The following VSTM5 variants were observed in gnomAD, a reference collection of about 807,000 sequenced individuals.
VSTM5 encodes V-set and transmembrane domain containing 5.
In VSTM5, 21 loss-of-function variants were observed where a neutral mutation model predicts 20.3. That is an observed-to-expected ratio of 1.03 (90% CI 0.73 to 1.49). The LOEUF (loss-of-function observed/expected upper bound fraction) is 1.49. Among genes scored for constraint, VSTM5 ranks in the 40% most tolerant of loss-of-function variants. The probability of loss-of-function intolerance (pLI) is 0.00; values close to 1 mark genes in which losing one functional copy is unlikely to be tolerated. For missense variants in VSTM5, 219 were observed against 250.0 expected (o/e 0.88, Z 0.84); for synonymous variants, 100 against 102.5 (o/e 0.98, Z 0.14).
intron 1 of VSTM5, among the ~76,000 whole-genome samples, chr11:93,846,200 T>TAA (rs10623760): frequency 0.99 from 151,326 of 152,280 alleles, 75,208 homozygotes; most frequent in East Asian, 1. Context: ...TTAGATATAG[T>TAA]AAGTTTTTTT....
At position 93,850,512 on chromosome 11, in the gene VSTM5, C is replaced by T. The variant is rs774426243; in HGVS notation, c.-10G>A. ...TGGGCAGAGGCCTCATGGGCGAGCC[C>T]GGGGCCTCGCGGGCCGGGGTGTGTG... On this transcript the variant is annotated 5_prime_UTR_variant, in exon 1 of 4. Coordinates refer to ENST00000409977, the MANE Select transcript of VSTM5 (RefSeq NM_001144871.2). 5.2e-6 allele frequency: 8 copies of T among 1,546,116 alleles called. No homozygotes were observed. In the South Asian group the frequency reaches 6.0e-5, roughly 12 times the overall value.
chr11:93,836,638 C>T (rs1187948534), intron 1 of VSTM5, among the ~76,000 whole-genome samples: 2 of 152,234 alleles, frequency 1.3e-5, no homozygotes, highest in Non-Finnish European at 2.9e-5. Context: ...CAACTCCAGG[C>T]TAGGTCAGGT....
chr11:93,845,533 A>G (rs1001463844), intron 1 of VSTM5, among the ~76,000 whole-genome samples: 3 of 152,216 alleles, frequency 2.0e-5, no homozygotes, highest in African/African-American at 7.2e-5. Flanking sequence ...AACCAGTTAT[A>G]GGAGGGGCGA....
intron 1 of VSTM5, 82 bp from the exon 2 acceptor site, chr11:93,821,405 C>T: frequency 7.9e-7 from 1 of 1,260,730 alleles, no homozygotes; most frequent in Non-Finnish European, 1.1e-6. Context: ...TGATCTATTA[C>T]ACAAATATTT....
intron 1 of VSTM5, among the ~76,000 whole-genome samples, chr11:93,824,296 G>A (rs1260670649): frequency 1.3e-5 from 2 of 152,044 alleles, no homozygotes; most frequent in South Asian, 2.1e-4. Flanking sequence ...CATTGTGCAA[G>A]GGTTCCCTTT....
chr11:93,844,821 C>G (rs1944401269), intron 1 of VSTM5, among the ~76,000 whole-genome samples: 1 of 151,212 alleles, frequency 6.6e-6, no homozygotes, highest in African/African-American at 2.4e-5. Context: ...ACTTACAATC[C>G]TTCAGTGCAG....
At chr11:93,842,426 A>C (rs1455773711) in intron 1 of VSTM5, among the ~76,000 whole-genome samples, 1 of 152,220 alleles carries the variant, frequency 6.6e-6, no homozygotes, top group Non-Finnish European at 1.5e-5. Flanking sequence ...TTCCTACCAC[A>C]CCTTTTCCAG....
rs1565298257 is a variant in VSTM5 at position 93,820,733 on chromosome 11, A to AGG, written c.559+8_559+9dup. On this transcript the variant is annotated intron_variant, in intron 3 of 3. Transcript: ENST00000409977. ...CCACTCATGGATTATCACAAGGCCC[A>AGG]GGGGGTTACCTTTGAGTTTGTGTCT... 1 of 1,551,752 alleles carries AGG rather than the reference A, an allele frequency of 6.4e-7. No homozygotes were observed. The highest frequency in any genetic ancestry group is 2.4e-5 in the East Asian group (1 of 40,926).
intron 1 of VSTM5, 83 bp downstream of exon 1, chr11:93,850,328 GC>G: frequency 8.0e-7 from 1 of 1,245,534 alleles, no homozygotes; most frequent in Middle Eastern, 2.2e-4. Context: ...GGCCAGGGGG[GC>G]CGCTGCTAGA....
intron 1 of VSTM5, among the ~76,000 whole-genome samples, chr11:93,834,072 T>A (rs1270402468): frequency 6.6e-6 from 1 of 152,132 alleles, no homozygotes; most frequent in African/African-American, 2.4e-5. Context: ...TGCCTTTTCA[T>A]CATATCTACC....
chr11:93,849,614 C>T (rs765075766), intron 1 of VSTM5, among the ~76,000 whole-genome samples: 20 of 152,226 alleles, frequency 1.3e-4, no homozygotes, highest in Non-Finnish European at 2.9e-4. Context: ...TACAAGGCCT[C>T]TCACCTCCAG....
intron 1 of VSTM5, among the ~76,000 whole-genome samples, chr11:93,835,039 T>A (rs963727036): frequency 2.6e-5 from 4 of 152,162 alleles, no homozygotes; most frequent in African/African-American, 9.7e-5. Context: ...CTCTGCTGAC[T>A]CAGGACTCTA....
intron 1 of VSTM5, chr11:93,821,678 A>C: frequency 4.2e-6 from 1 of 236,780 alleles, no homozygotes. Context: ...TCTCTGGATC[A>C]CTCCTTCTCA....
At chr11:93,831,238 A>T (rs897389758) in intron 1 of VSTM5, among the ~76,000 whole-genome samples, 1 of 152,042 alleles carries the variant, frequency 6.6e-6, no homozygotes, top group Non-Finnish European at 1.5e-5. Flanking sequence ...CATGGTGTTC[A>T]GGCAGGTCTC....
chr11:93,837,099 T>G (rs985380226), intron 1 of VSTM5, among the ~76,000 whole-genome samples: 1 of 151,952 alleles, frequency 6.6e-6, no homozygotes, highest in African/African-American at 2.4e-5. Context: ...TGTCATGATC[T>G]TGGCTCACTG....
chr11:93,826,731 G>A (rs147146809), intron 1 of VSTM5, among the ~76,000 whole-genome samples: 2,149 of 152,178 alleles, frequency 0.014, 57 homozygotes, highest in African/African-American at 0.049. Flanking sequence ...AGCATTTATA[G>A]TTATAAACTC....
chr11:93,829,310 T>C (rs1366134729), intron 1 of VSTM5, among the ~76,000 whole-genome samples: 1 of 152,208 alleles, frequency 6.6e-6, no homozygotes, highest in African/African-American at 2.4e-5. Context: ...GCAGATCACC[T>C]GAAGTCAGGA....
At chr11:93,835,435 A>T (rs185188601) in intron 1 of VSTM5, among the ~76,000 whole-genome samples, 6,382 of 152,190 alleles carry the variant, frequency 0.042, 420 homozygotes, top group African/African-American at 0.15. Flanking sequence ...AAAAAATTTA[A>T]AAAAATTAAA....
At chr11:93,829,056 A>T (rs758086498) in intron 1 of VSTM5, among the ~76,000 whole-genome samples, 2 of 152,188 alleles carry the variant, frequency 1.3e-5, no homozygotes, top group Non-Finnish European at 2.9e-5. Context: ...CAGGCCGGGC[A>T]ATGACACAGA....
Sources: allele counts gnomAD v4.1 joint callset (sites outside exome capture counted in the v4.1 genomes callset), GRCh38; gene constraint gnomAD v4.1.1; transcripts MANE v1.5; gene names NCBI Gene and HGNC (gene_info 2026-07-23, HGNC 2026-07-21).